TNS1: variants seen among roughly 807,000 people sequenced by gnomAD.
TNS1 encodes the protein tensin 1.
Under a neutral mutation model 168.6 loss-of-function variants are expected in TNS1, and 62 were observed. The observed-to-expected ratio is 0.37, with a 90% CI of 0.30 to 0.45. The LOEUF is 0.45. TNS1 is among the 20% of genes least tolerant of loss of function. The probability of loss-of-function intolerance (pLI) is 1.00; values close to 1 mark genes in which losing one functional copy is unlikely to be tolerated. For synonymous variants in TNS1, 934 were observed against 933.2 expected, an observed-to-expected ratio of 1.00 and a Z score of -0.02; for missense variants, 2,240 against 2,339.4, an observed-to-expected ratio of 0.96 and a Z score of 0.88.
intron 3 of TNS1, among the ~76,000 whole-genome samples, chr2:217,967,756 T>C (rs975140670): frequency 3.3e-5 from 5 of 152,186 alleles, no homozygotes; most frequent in Admixed American, 2.0e-4. Context: ...AGAATCAATA[T>C]CAATTCTTTA....
At chr2:217,933,219 C>G (rs1028338475) in intron 3 of TNS1, among the ~76,000 whole-genome samples, 3 of 152,146 alleles carry the variant, frequency 2.0e-5, no homozygotes, top group Admixed American at 2.0e-4. Context: ...GTATCTGAAA[C>G]CAGGTCTGGA....
chr2:217,980,324 C>T (rs1216307294), intron 2 of TNS1, among the ~76,000 whole-genome samples: 1 of 152,124 alleles, frequency 6.6e-6, no homozygotes, highest in Non-Finnish European at 1.5e-5. Context: ...GCTTCTCCCT[C>T]TCCCTCAGCA....
intron 4 of TNS1, among the ~76,000 whole-genome samples, chr2:217,918,452 C>T (rs528011668): frequency 2.6e-5 from 4 of 152,334 alleles, no homozygotes; most frequent in Admixed American, 1.3e-4. Flanking sequence ...AAGGGCAGAG[C>T]CCCCTGCACA....
intron 7 of TNS1, among the ~76,000 whole-genome samples, chr2:217,898,916 C>T (rs1952621049): frequency 6.6e-6 from 1 of 152,238 alleles, no homozygotes; most frequent in African/African-American, 2.4e-5. Context: ...TCCCCCATCC[C>T]TCCAGCTTTT....
chr2:217,886,510 G>T, intron 13 of TNS1, 24 bp downstream of exon 13: 1 of 1,546,872 alleles, frequency 6.5e-7, no homozygotes, highest in Non-Finnish European at 8.8e-7. Flanking sequence ...CAAGGGTGGA[G>T]GTCAGAGGGC....
chr2:217,893,691 G>A (rs1951989170), intron 9 of TNS1, 130 bp from the exon 10 acceptor site: 3 of 1,333,568 alleles, frequency 2.2e-6, no homozygotes. Context: ...CCAGGACTTG[G>A]TTCCTCCCTG....
At chr2:217,893,410 A>ACG (rs771673594) in intron 10 of TNS1, 29 bp downstream of exon 10, 4 of 1,570,560 alleles carry the variant, frequency 2.5e-6, no homozygotes, top group South Asian at 1.2e-5. Context: ...GCACACACAC[A>ACG]CACACACACA....
At chr2:217,817,646 C>T (rs1942100399) in intron 24 of TNS1, 44 bp downstream of exon 24, 1 of 1,473,696 alleles carries the variant, frequency 6.8e-7, no homozygotes, top group Non-Finnish European at 9.3e-7. Flanking sequence ...CTTCTACTTA[C>T]TTCATCAGCA....
chr2:217,908,722 A>G (rs1004020234), intron 4 of TNS1, among the ~76,000 whole-genome samples: 1 of 152,090 alleles, frequency 6.6e-6, no homozygotes, highest in Non-Finnish European at 1.5e-5. Context: ...TGAGGCCAAA[A>G]CTACTCTCCA....
chr2:217,814,842 T>G, intron 25 of TNS1, 70 bp downstream of exon 25: 1 of 1,376,742 alleles, frequency 7.3e-7, no homozygotes, highest in South Asian at 1.2e-5. Flanking sequence ...CCTCTGTTCC[T>G]TGCCCAGGGA....
chr2:217,998,054 C>T (rs1194189791), intron 1 of TNS1, among the ~76,000 whole-genome samples: 1 of 152,206 alleles, frequency 6.6e-6, no homozygotes, highest in Non-Finnish European at 1.5e-5. Flanking sequence ...CAGGTACTGT[C>T]ATCTTCTGGC....
chr2:217,823,380 C>G (rs1220107255), intron 22 of TNS1, among the ~76,000 whole-genome samples: 1 of 152,222 alleles, frequency 6.6e-6, no homozygotes, highest in Non-Finnish European at 1.5e-5. Context: ...TCATGGGTGA[C>G]AGGCCTGGGG....
At chr2:217,879,873 C>T (rs1333675279) in intron 18 of TNS1, among the ~76,000 whole-genome samples, 13 of 152,198 alleles carry the variant, frequency 8.5e-5, no homozygotes, top group Admixed American at 8.5e-4. Context: ...GATGGCACAG[C>T]CCCACCCAGG....
chr2:217,924,027 G>A (rs1955876512), intron 3 of TNS1, among the ~76,000 whole-genome samples: 1 of 152,210 alleles, frequency 6.6e-6, no homozygotes, highest in Non-Finnish European at 1.5e-5. Context: ...GCCCAGGCAG[G>A]GAACTCCCTG....
intron 6 of TNS1, among the ~76,000 whole-genome samples, chr2:217,903,422 T>C (rs180848791): frequency 3.3e-4 from 50 of 152,254 alleles, no homozygotes; most frequent in Non-Finnish European, 5.7e-4. Context: ...TTACAAACCT[T>C]ATAAAAAGGA....
At chr2:217,878,301 T>G (rs189461691) in intron 18 of TNS1, among the ~76,000 whole-genome samples, 2 of 152,196 alleles carry the variant, frequency 1.3e-5, no homozygotes, top group Non-Finnish European at 2.9e-5. Context: ...AGAGAGGTAC[T>G]AGGCTTAGTG....
At chr2:217,977,277 C>A (rs1468620954) in intron 3 of TNS1, among the ~76,000 whole-genome samples, 2 of 152,130 alleles carry the variant, frequency 1.3e-5, no homozygotes, top group African/African-American at 4.8e-5. Flanking sequence ...AACGTACTCT[C>A]CATCCAGGGG....
At chr2:217,840,352 C>T (rs763871377) in intron 19 of TNS1, among the ~76,000 whole-genome samples, 21 of 152,300 alleles carry the variant, frequency 1.4e-4, no homozygotes, top group Admixed American at 3.9e-4. Context: ...TGTTAGTGGA[C>T]GGCATCATTC....
chr2:217,878,824 A>G (rs1297337523), intron 18 of TNS1, among the ~76,000 whole-genome samples: 2 of 152,176 alleles, frequency 1.3e-5, no homozygotes, highest in African/African-American at 4.8e-5. Flanking sequence ...ATTCTTAACC[A>G]CATACTAACT....
Sources: gnomAD v4.1 joint callset for allele counts (sites outside exome capture counted in the v4.1 genomes callset) on GRCh38, gnomAD v4.1.1 for gene constraint, MANE v1.5 for transcripts, NCBI Gene and HGNC (gene_info 2026-07-23, HGNC 2026-07-21) for gene names.